Variants in KDM5A observed in about 807,000 individuals in gnomAD.
The protein encoded by KDM5A is lysine demethylase 5A, also known as lysine-specific demethylase 5A.
In KDM5A, 42 loss-of-function variants were observed where a neutral mutation model predicts 193.5. The ratio of observed to expected loss-of-function variants is 0.22; its 90% confidence interval spans 0.17 to 0.28. The LOEUF (loss-of-function observed/expected upper bound fraction) is 0.28, where lower values mean the gene tolerates loss of function less well. Ranked by LOEUF, KDM5A falls within the 10% of genes least tolerant of loss-of-function variation. The pLI is 1.00. For synonymous variants in KDM5A, 796 were observed against 718.1 expected (o/e 1.11, Z -1.73); for missense variants, 1,692 against 2,055.1 (o/e 0.82, Z 3.42).
At chr12:313,235 C>T (rs1943611679) in intron 19 of KDM5A, 41 bp from the exon 20 acceptor site, 1 of 1,607,598 alleles carries the variant, frequency 6.2e-7, no homozygotes, top group Non-Finnish European at 8.5e-7. Flanking sequence ...CATGAGAAAT[C>T]AACATTTAAG....
At chr12:387,199 T>C (rs777014306) in intron 1 of KDM5A, 1 of 350,664 alleles carries the variant, frequency 2.9e-6, no homozygotes, top group African/African-American at 2.3e-5. Context: ...AGAATAACAG[T>C]AAACCTATTT....
chr12:318,513 A>G (rs915469328), intron 18 of KDM5A, 52 bp from the exon 19 acceptor site: 5 of 1,350,560 alleles, frequency 3.7e-6, no homozygotes, highest in Non-Finnish European at 5.3e-6. Flanking sequence ...AAAACATACA[A>G]AAGAGTATGA....
In KDM5A at chr12:331,953, G is replaced by C. The variant is rs200143143; in HGVS notation, c.1654-15C>G. On this transcript the variant is annotated splice_polypyrimidine_tract_variant and intron_variant, in intron 12 of 27. Transcript: ENST00000399788. ...GTCCTGTACACCTAAATGCAAATTG[G>C]GAACAGGGATACAAAAATAAAAAAT... The C allele has an allele frequency of 3.3e-4, 528 of 1,612,354 alleles. 1 individual carries two copies. The African/African-American group carries it at 6.3e-3, about 19-fold the overall frequency.
intron 18 of KDM5A, among the ~76,000 whole-genome samples, chr12:319,110 T>A (rs1457209007): frequency 6.6e-6 from 1 of 152,242 alleles, no homozygotes; most frequent in Non-Finnish European, 1.5e-5. Context: ...GACTACACAG[T>A]ATCTTCTAGG....
chr12:361,262 C>T (rs6489450), intron 5 of KDM5A, among the ~76,000 whole-genome samples: 119,108 of 151,756 alleles, frequency 0.78, 46,991 homozygotes, highest in African/African-American at 0.85. Context: ...TGGCGAGATC[C>T]TGGCTCTCTG....
chr12:351,202 C>T (rs1159785053), intron 9 of KDM5A, among the ~76,000 whole-genome samples: 1 of 152,014 alleles, frequency 6.6e-6, no homozygotes, highest in African/African-American at 2.4e-5. Context: ...AATGCTATCC[C>T]TCCCCTAGCC....
chr12:281,756 GGTC>G lies in KDM5A; in HGVS notation c.*3697_*3699del, dbSNP rs1276611350. 1 of 233,792 alleles carries G rather than the reference GGTC, an allele frequency of 4.3e-6. No homozygotes were observed. The highest frequency in any genetic ancestry group is 8.4e-6 in the Non-Finnish European group (1 of 118,422). 14.5% of individuals were successfully genotyped at this position (233,792 alleles called of 1,614,324 possible). A position where few individuals can be genotyped will look rare whatever the true frequency, so the allele number is the denominator to read the frequency against. ...GGATAAACCCATCTTTTGAAAGACAGGTCTTCTCAGTTTTTCTGTTCATCCTCC... is the reference window on the plus strand; with the variant it reads ...GGATAAACCCATCTTTTGAAAGACAGTTCTCAGTTTTTCTGTTCATCCTCC... On this transcript the variant is annotated 3_prime_UTR_variant, in exon 28 of 28. Coordinates refer to ENST00000399788, the MANE Select transcript of KDM5A (RefSeq NM_001042603.3).
chr12:329,242 T>A (rs1245392686), intron 13 of KDM5A: 8 of 579,536 alleles, frequency 1.4e-5, no homozygotes, highest in Non-Finnish European at 2.4e-5. Flanking sequence ...ATTCCCATAA[T>A]CTGAGATGCT....
Position 285,034 on chromosome 12 carries a change from A to G in KDM5A, c.*422T>C, listed in dbSNP as rs957112070. The G allele has an allele frequency of 7.0e-6, 2 of 286,278 alleles. No individual in the cohort carries two copies. The highest frequency in any genetic ancestry group is 9.0e-5 in the South Asian group (1 of 11,088). The allele number at this position is 286,278 out of a possible 1,614,324, so 17.7% of individuals were successfully genotyped here. A position where few individuals can be genotyped will look rare whatever the true frequency, so the allele number is the denominator to read the frequency against. On this transcript the variant is annotated 3_prime_UTR_variant, in exon 28 of 28. Transcript: ENST00000399788. ...CTCCAATCCCTCTCCAACTATCCCAATGAAGGAGATCCAAGCAATTAGCAC... is the reference window on the plus strand; with the variant it reads ...CTCCAATCCCTCTCCAACTATCCCAGTGAAGGAGATCCAAGCAATTAGCAC...
intron 10 of KDM5A, among the ~76,000 whole-genome samples, chr12:339,685 T>C (rs1943976821): frequency 6.6e-6 from 1 of 151,958 alleles, no homozygotes; most frequent in Non-Finnish European, 1.5e-5. Context: ...GGAAGACAAA[T>C]AAAAGTTATA....
chr12:348,239 G>T (rs11062537), intron 10 of KDM5A, among the ~76,000 whole-genome samples: 45,409 of 151,944 alleles, frequency 0.3, 7,005 homozygotes, highest in East Asian at 0.51. Context: ...AGTTAGAATG[G>T]CGATCATTAA....
intron 15 of KDM5A, 30 bp downstream of exon 15, chr12:323,568 TAA>T: frequency 6.3e-7 from 1 of 1,593,382 alleles, no homozygotes; most frequent in Non-Finnish European, 8.6e-7. Flanking sequence ...TAAAAAAAGG[TAA>T]TGGAAGTTTT....
chr12:317,103 T>C (rs1013739092), intron 19 of KDM5A, among the ~76,000 whole-genome samples: 1 of 152,174 alleles, frequency 6.6e-6, no homozygotes, highest in Non-Finnish European at 1.5e-5. Flanking sequence ...ATAAACACTT[T>C]ATTTAAATCT....
intron 1 of KDM5A, 88 bp downstream of exon 1, chr12:388,839 A>C (rs1398710776): frequency 6.2e-6 from 9 of 1,450,006 alleles, no homozygotes; most frequent in Non-Finnish European, 8.7e-6. Flanking sequence ...ATATGAAACG[A>C]GACAAGGATC....
chr12:322,130 C>A, intron 17 of KDM5A: 1 of 357,704 alleles, frequency 2.8e-6, no homozygotes, highest in Non-Finnish European at 5.2e-6. Context: ...AACAAGCCAC[C>A]TGGATACGGT....
intron 24 of KDM5A, among the ~76,000 whole-genome samples, chr12:297,618 G>A (rs960593844): frequency 6.6e-6 from 1 of 152,116 alleles, no homozygotes; most frequent in Non-Finnish European, 1.5e-5. Flanking sequence ...TTAAGATAAG[G>A]AAATTTTTCC....
Position 307,217 on chromosome 12 carries a change from T to A in KDM5A, c.3931-128A>T. 8.6e-7 allele frequency: 1 copy of A among 1,158,912 alleles called. No individual in the cohort carries two copies. The highest frequency in any genetic ancestry group is 1.3e-6 in the Non-Finnish European group (1 of 790,326). 71.8% of individuals were successfully genotyped at this position (1,158,912 alleles called of 1,614,324 possible). A position where few individuals can be genotyped will look rare whatever the true frequency, so the allele number is the denominator to read the frequency against. The stretch of plus-strand genomic sequence containing the variant: ...GCTAACAGAGTTCTTCAACAGTTAG[T>A]AGAAATCAAATTATTTGATTATGAT... On this transcript the variant is annotated intron_variant, in intron 23 of 27. Coordinates refer to ENST00000399788, the MANE Select transcript of KDM5A (RefSeq NM_001042603.3). The surrounding 1 kb of genome is among the most constrained non-coding windows in gnomAD (Gnocchi z 4.3).
chr12:361,859 G>C (rs1349186672), intron 5 of KDM5A, among the ~76,000 whole-genome samples: 1 of 152,154 alleles, frequency 6.6e-6, no homozygotes, highest in African/African-American at 2.4e-5. Context: ...AGGTACCTAA[G>C]AAGCTGAGTA....
Position 389,261 on chromosome 12 carries a change from T to C in KDM5A, c.-170A>G, listed in dbSNP as rs1944699303. The C allele has an allele frequency of 1.3e-6, 1 of 749,482 alleles. No individual in the cohort carries two copies. The highest frequency in any genetic ancestry group is 2.0e-5 in the Admixed American group (1 of 50,464). 46.4% of individuals were successfully genotyped at this position (749,482 alleles called of 1,614,324 possible). A position where few individuals can be genotyped will look rare whatever the true frequency, so the allele number is the denominator to read the frequency against. ...ATCGCTTCCTCCTCCCGTTTGTTAT[T>C]GTTTCTTGCAAGGCTTTTCCACTGA... On this transcript the variant is annotated 5_prime_UTR_variant, in exon 1 of 28. Coordinates refer to ENST00000399788, the MANE Select transcript of KDM5A (RefSeq NM_001042603.3).
Sources: allele counts gnomAD v4.1 joint callset (sites outside exome capture counted in the v4.1 genomes callset), GRCh38; gene constraint gnomAD v4.1.1; non-coding constraint Gnocchi (gnomAD v3.1); transcripts MANE v1.5; gene names NCBI Gene and HGNC (gene_info 2026-07-23, HGNC 2026-07-21).